The following ERBB4 variants were observed in gnomAD, a reference collection of about 807,000 sequenced individuals.
ERBB4 encodes receptor tyrosine-protein kinase erbB-4.
Under a neutral mutation model 158.0 loss-of-function variants are expected in ERBB4, and 42 were observed. The ratio of observed to expected loss-of-function variants is 0.27; its 90% CI spans 0.21 to 0.34. The LOEUF (loss-of-function observed/expected upper bound fraction) is 0.34. Ranked by LOEUF, ERBB4 falls within the 10% of genes least tolerant of loss-of-function variation. ERBB4 has a pLI of 1.00. For missense variants in ERBB4, 1,333 were observed against 1,624.1 expected, an observed-to-expected ratio of 0.82 and a Z score of 3.08; for synonymous variants, 583 against 558.7, an observed-to-expected ratio of 1.04 and a Z score of -0.61.
intron 2 of ERBB4, among the ~76,000 whole-genome samples, chr2:211,969,830 T>G (rs1027231689): frequency 1.3e-5 from 2 of 152,066 alleles, no homozygotes; most frequent in Non-Finnish European, 2.9e-5. Context: ...TTAATTTTTT[T>G]CAAAAAAACA....
At chr2:212,038,325 G>T (rs2077062181) in intron 2 of ERBB4, among the ~76,000 whole-genome samples, 1 of 151,816 alleles carries the variant, frequency 6.6e-6, no homozygotes, top group South Asian at 2.1e-4. Flanking sequence ...TGATTAATTG[G>T]ATTCAGTAAG....
At chr2:212,301,962 A>G (rs2086640422) in intron 1 of ERBB4, among the ~76,000 whole-genome samples, 1 of 151,506 alleles carries the variant, frequency 6.6e-6, no homozygotes, top group African/African-American at 2.4e-5. Context: ...TAACATTGGC[A>G]GGGGTATCCT....
At chr2:212,016,332 A>T (rs2076529092) in intron 2 of ERBB4, among the ~76,000 whole-genome samples, 1 of 152,248 alleles carries the variant, frequency 6.6e-6, no homozygotes. Flanking sequence ...AACCCAGGTA[A>T]ATCAACTATG....
At chr2:211,813,993 T>C (rs945771324) in intron 3 of ERBB4, among the ~76,000 whole-genome samples, 3 of 152,184 alleles carry the variant, frequency 2.0e-5, no homozygotes, top group African/African-American at 7.2e-5. Context: ...CAAAAGTACA[T>C]CAATTAATTA....
intron 2 of ERBB4, among the ~76,000 whole-genome samples, chr2:212,099,136 C>T (rs1044740187): frequency 4.2e-5 from 6 of 144,128 alleles, no homozygotes; most frequent in African/African-American, 1.5e-4. Flanking sequence ...TGGACAGAGC[C>T]CCTCTCTAAA....
At position 211,944,720 on chromosome 2, in the gene ERBB4, TA is replaced by T. The variant is rs201458516; in HGVS notation, c.421+2709del. 7.5e-3 allele frequency among the ~76,000 whole-genome samples: 1,137 copies of T among 152,054 alleles called. 14 individuals are homozygous for T. The highest frequency in any genetic ancestry group is 0.025 in the African/African-American group (1,048 of 41,492). The stretch of plus-strand genomic sequence containing the variant: ...AATTAGAGTAGATCTTCTCAAATTG[TA>T]GTAATCATCAACATCACTAGAGGGA... On this transcript the variant is annotated intron_variant, in intron 3 of 27. Coordinates refer to ENST00000342788, the MANE Select transcript of ERBB4 (RefSeq NM_005235.3).
At chr2:212,492,707 T>A (rs1478266792) in intron 1 of ERBB4, among the ~76,000 whole-genome samples, 1 of 151,506 alleles carries the variant, frequency 6.6e-6, no homozygotes, top group Non-Finnish European at 1.5e-5. Context: ...AACCCTATGC[T>A]TCAGTTTTAG....
At chr2:211,437,474 C>T (rs1206907953) in intron 20 of ERBB4, among the ~76,000 whole-genome samples, 1 of 152,162 alleles carries the variant, frequency 6.6e-6, no homozygotes, top group Non-Finnish European at 1.5e-5. Context: ...CTAGCCATGA[C>T]CTTCTTTTCA....
In ERBB4 at chr2:211,722,513, T is replaced by C. The variant is rs2074135796; in HGVS notation, c.763A>G (p.Ser255Gly). Residue 255 changes from serine to glycine, a missense_variant, in exon 7 of 28, where the codon AGT becomes GGT. Ser to Gly is a moderately conservative substitution (Grantham distance 56, BLOSUM62 0). Coordinates refer to ENST00000342788, the MANE Select transcript of ERBB4 (RefSeq NM_005235.3). ...DCFACMNFND[S>G]GACVTQCPQT... is the part of the protein sequence containing the mutation. ...GGACACTGAGTAACACATGCTCCAC[T>C]GTCATTGAAATTCATGCAGGCCTGC... 1.2e-6 allele frequency: 2 copies of C among 1,613,984 alleles called. No individual in the cohort carries two copies. Among genetic ancestry groups the C allele is most frequent in the East Asian group, 2.2e-5 (1 of 44,872 alleles).
intron 20 of ERBB4, among the ~76,000 whole-genome samples, chr2:211,504,005 TGTC>T (rs1281578361): frequency 6.6e-6 from 1 of 152,106 alleles, no homozygotes; most frequent in Non-Finnish European, 1.5e-5. Flanking sequence ...AAAATCCCAC[TGTC>T]ATCACTGCAA....
At chr2:212,404,317 G>C (rs1300878997) in intron 1 of ERBB4, among the ~76,000 whole-genome samples, 1 of 151,832 alleles carries the variant, frequency 6.6e-6, no homozygotes, top group East Asian at 1.9e-4. Flanking sequence ...TCAAAACTTA[G>C]ATCAAATTCT....
chr2:212,473,000 T>C lies in ERBB4; in HGVS notation c.82+65449A>G, dbSNP rs1689191995. Reference sequence around the variant, plus strand: ...TACTTCATTAAGCTGCTGTTCATGCTAATTTAGTATGAAAAAACACAAAGG... The same window carrying C: ...TACTTCATTAAGCTGCTGTTCATGCCAATTTAGTATGAAAAAACACAAAGG... On this transcript the variant is annotated intron_variant, in intron 1 of 27. Coordinates refer to ENST00000342788, the MANE Select transcript of ERBB4 (RefSeq NM_005235.3). 2.0e-5 allele frequency among the ~76,000 whole-genome samples: 3 copies of C among 151,238 alleles called. No individual in the cohort carries two copies. The East Asian group carries it at 5.8e-4, about 29-fold the overall frequency.
At chr2:211,472,159 C>T (rs1334814377) in intron 20 of ERBB4, among the ~76,000 whole-genome samples, 1 of 151,818 alleles carries the variant, frequency 6.6e-6, no homozygotes, top group Non-Finnish European at 1.5e-5. Flanking sequence ...AAGGTTGTTG[C>T]AGCATTACAG....
chr2:211,557,616 C>T (rs2067270283), intron 20 of ERBB4, among the ~76,000 whole-genome samples: 1 of 151,838 alleles, frequency 6.6e-6, no homozygotes, highest in African/African-American at 2.4e-5. Context: ...AAAAAAGGAA[C>T]ACTTATACAT....
intron 1 of ERBB4, among the ~76,000 whole-genome samples, chr2:212,387,872 G>A (rs72933168): frequency 9.3e-4 from 141 of 152,052 alleles, no homozygotes; most frequent in Non-Finnish European, 1.6e-3. Flanking sequence ...GATGATTAAC[G>A]GCAAAGATGG....
At chr2:212,512,889 T>C (rs1054611610) in intron 1 of ERBB4, among the ~76,000 whole-genome samples, 1 of 152,224 alleles carries the variant, frequency 6.6e-6, no homozygotes, top group Non-Finnish European at 1.5e-5. Flanking sequence ...TCTCTTCCTT[T>C]GTGCCTGACA....
At chr2:211,678,966 CAAAAAAAAAAAA>C (rs71054127) in intron 13 of ERBB4, 74 bp downstream of exon 13, 23 of 508,688 alleles carry the variant, frequency 4.5e-5, no homozygotes, top group Non-Finnish European at 6.5e-5. Context: ...GACTCCGTCT[CAAAAAAAAAAAA>C]AAAAAAAAAA....
intron 5 of ERBB4, among the ~76,000 whole-genome samples, chr2:211,745,928 C>G (rs1475223634): frequency 2.0e-5 from 3 of 152,098 alleles, no homozygotes; most frequent in African/African-American, 7.2e-5. Flanking sequence ...ACAGTTGTCT[C>G]TAGATTAAGA....
At chr2:212,365,261 TG>T (rs373182990) in intron 1 of ERBB4, among the ~76,000 whole-genome samples, 154 of 151,862 alleles carry the variant, frequency 1.0e-3, no homozygotes, top group Middle Eastern at 6.8e-3. Context: ...GTGAACTCTT[TG>T]GTTTTCTTGA....
Sources: allele counts gnomAD v4.1 joint callset (sites outside exome capture counted in the v4.1 genomes callset), GRCh38; gene constraint gnomAD v4.1.1; transcripts MANE v1.5; gene names NCBI Gene and HGNC (gene_info 2026-07-23, HGNC 2026-07-21).